The following ZFPM1 variants were observed in gnomAD, a reference collection of about 807,000 sequenced individuals.
The protein encoded by ZFPM1 is zinc finger protein, FOG family member 1, also known as zinc finger protein ZFPM1.
Under a neutral mutation model 46.3 loss-of-function variants are expected in ZFPM1, and 28 were observed. The ratio of observed to expected loss-of-function variants is 0.60; its 90% CI spans 0.45 to 0.83. ZFPM1 has a LOEUF of 0.83. Ranked by LOEUF, ZFPM1 falls within the 40% of genes least tolerant of loss-of-function variation. The pLI is 0.00. For missense variants in ZFPM1, 1,878 were observed against 1,432.4 expected, an observed-to-expected ratio of 1.31 and a Z score of -5.02; for synonymous variants, 957 against 675.9, an observed-to-expected ratio of 1.42 and a Z score of -6.45.
At chr16:88,531,906 G>A in intron 6 of ZFPM1, 96 bp from the exon 7 acceptor site, 1 of 1,212,632 alleles carries the variant, frequency 8.2e-7, no homozygotes, top group South Asian at 1.5e-5. Context: ...GGAGGACGGT[G>A]GGGTCCGTCA....
Position 88,535,145 on chromosome 16 carries a change from A to C in ZFPM1, c.*166A>C. Reference sequence around the variant, plus strand: ...CCGCCTGGACCCTTGGCACTTAATAAAGAAGTTCAGTTTGATGAGCATGGT... The same window carrying C: ...CCGCCTGGACCCTTGGCACTTAATACAGAAGTTCAGTTTGATGAGCATGGT... On this transcript the variant is annotated 3_prime_UTR_variant, in exon 10 of 10. Coordinates refer to ENST00000319555, the MANE Select transcript of ZFPM1 (RefSeq NM_153813.3). 3.6e-6 allele frequency: 3 copies of C among 827,298 alleles called. No homozygotes were observed. The highest frequency in any genetic ancestry group is 4.9e-6 in the Non-Finnish European group (3 of 612,962). 51.2% of individuals were successfully genotyped at this position (827,298 alleles called of 1,614,324 possible). A position where few individuals can be genotyped will look rare whatever the true frequency, so the allele number is the denominator to read the frequency against.
At chr16:88,499,698 G>A (rs1253800290) in intron 3 of ZFPM1, among the ~76,000 whole-genome samples, 2 of 152,214 alleles carry the variant, frequency 1.3e-5, no homozygotes, top group African/African-American at 2.4e-5. Context: ...GAAGTGGGCA[G>A]TGTCCCCATT....
Position 88,534,445 on chromosome 16 carries a change from C to A in ZFPM1, c.2487C>A (p.Leu829=). 6 of 1,497,590 alleles carry A rather than the reference C, an allele frequency of 4.0e-6. No homozygotes were observed. Among genetic ancestry groups the A allele is most frequent in the Non-Finnish European group, 5.3e-6 (6 of 1,130,636 alleles). 92.8% of individuals were successfully genotyped at this position (1,497,590 alleles called of 1,614,324 possible). Residue 829 remains leucine (L), a synonymous_variant, in exon 10 of 10, where the codon CTC becomes CTA. Coordinates refer to ENST00000319555, the MANE Select transcript of ZFPM1 (RefSeq NM_153813.3). ...CCTGCCGCGTGAGCTTCCACAGCCT[C>A]GAGGCCTACCTGGCGCACAAGAAGT... ...CTACRVSFHS[L]EAYLAHKKYS...
At position 88,494,011 on chromosome 16, in the gene ZFPM1, G is replaced by A. The variant is rs575548494; in HGVS notation, c.268+4858G>A. Reference sequence around the variant, plus strand: ...CTGACCCCTCCAGGCCTCAGTTTCCGCATCTGTAAAATGGACATAAGGAAA... The same window carrying A: ...CTGACCCCTCCAGGCCTCAGTTTCCACATCTGTAAAATGGACATAAGGAAA... On this transcript the variant is annotated intron_variant, in intron 3 of 9. Coordinates refer to ENST00000319555, the MANE Select transcript of ZFPM1 (RefSeq NM_153813.3). Among the ~76,000 whole-genome samples the A allele has an allele frequency of 1.1e-4, 16 of 152,294 alleles. No homozygotes were observed. In the East Asian group the frequency reaches 2.1e-3, roughly 20 times the overall value.
intron 3 of ZFPM1, among the ~76,000 whole-genome samples, chr16:88,493,459 G>A (rs1262436861): frequency 6.4e-4 from 92 of 142,636 alleles, no homozygotes; most frequent in African/African-American, 2.5e-3. Context: ...GTCCCGGGCT[G>A]CGGGGAGCTG....
At chr16:88,463,807 T>A (rs887767492) in intron 1 of ZFPM1, among the ~76,000 whole-genome samples, 4 of 152,224 alleles carry the variant, frequency 2.6e-5, no homozygotes, top group African/African-American at 9.6e-5. Flanking sequence ...TTCCTGTGTC[T>A]CTAGGCAGAT....
chr16:88,496,990 G>C (rs1471461402), intron 3 of ZFPM1, among the ~76,000 whole-genome samples: 1 of 152,184 alleles, frequency 6.6e-6, no homozygotes. Context: ...GGGCTGCCAG[G>C]CCTGCCCCTG....
Position 88,533,794 on chromosome 16 carries a change from G to C in ZFPM1, c.1836G>C (p.Ala612=), listed in dbSNP as rs757740978. 1.6e-6 allele frequency: 2 copies of C among 1,261,646 alleles called. No individual in the cohort carries two copies. Among genetic ancestry groups the C allele is most frequent in the Admixed American group, 4.0e-5 (1 of 25,196 alleles). 78.2% of individuals were successfully genotyped at this position (1,261,646 alleles called of 1,614,324 possible). Residue 612 remains alanine (A), a synonymous_variant, in exon 10 of 10, where the codon GCG becomes GCC. Transcript: ENST00000319555. The part of the protein sequence containing the change: ...GRRAPEDAPA[A]RRPKAPPGPA... ...GTGCGCCCGAGGACGCGCCTGCCGC[G>C]CGCAGGCCCAAGGCGCCCCCCGGCC...
chr16:88,491,867 G>A lies in ZFPM1; in HGVS notation c.268+2714G>A, dbSNP rs181788782. On this transcript the variant is annotated intron_variant, in intron 3 of 9. Transcript: ENST00000319555. The stretch of plus-strand genomic sequence containing the variant: ...CCACACAGGCTGAGCTATCACCCGC[G>A]GGGAAGCCAAGGAGGCTCTGTGGGC... Among the ~76,000 whole-genome samples, 15 of 152,304 alleles carry A rather than the reference G, an allele frequency of 9.8e-5. No individual in the cohort carries two copies. The South Asian group carries it at 1.0e-3, about 11-fold the overall frequency.
At chr16:88,488,295 C>T (rs1234672651) in intron 2 of ZFPM1, among the ~76,000 whole-genome samples, 5 of 147,126 alleles carry the variant, frequency 3.4e-5, no homozygotes, top group South Asian at 2.2e-4. Context: ...CGCATGGGGG[C>T]GGGGGTGGGG....
intron 1 of ZFPM1, among the ~76,000 whole-genome samples, chr16:88,457,012 C>A (rs1391137458): frequency 3.5e-4 from 53 of 152,336 alleles, no homozygotes; most frequent in Non-Finnish European, 2.1e-4. Context: ...TTCACACACT[C>A]TCAGAGTTTG....
chr16:88,503,489 T>C (rs1246345249), intron 3 of ZFPM1, among the ~76,000 whole-genome samples: 3 of 151,576 alleles, frequency 2.0e-5, no homozygotes, highest in South Asian at 2.1e-4. Context: ...GAGGGATCTG[T>C]GTCTGGGGAG....
intron 4 of ZFPM1, among the ~76,000 whole-genome samples, chr16:88,523,788 G>C (rs1428194926): frequency 2.0e-5 from 3 of 152,180 alleles, no homozygotes; most frequent in Non-Finnish European, 4.4e-5. Context: ...TCTCCTACCT[G>C]TTCCCTCCCG....
intron 2 of ZFPM1, among the ~76,000 whole-genome samples, chr16:88,487,635 G>A (rs1353740960): frequency 6.6e-6 from 1 of 152,112 alleles, no homozygotes; most frequent in East Asian, 1.9e-4. Flanking sequence ...TCTCAGTGGG[G>A]ACCCCCACCC....
chr16:88,464,550 C>G (rs192096484), intron 1 of ZFPM1, among the ~76,000 whole-genome samples: 5 of 152,352 alleles, frequency 3.3e-5, no homozygotes, highest in African/African-American at 1.2e-4. Flanking sequence ...TGCTCATAGG[C>G]CCACACCCAG....
At chr16:88,518,296 A>T (rs1289379115) in intron 4 of ZFPM1, among the ~76,000 whole-genome samples, 1 of 150,844 alleles carries the variant, frequency 6.6e-6, no homozygotes, top group Non-Finnish European at 1.5e-5. Context: ...TGGGAGGATA[A>T]CCAGGTGGAT....
Position 88,489,037 on chromosome 16 carries a change from A to G in ZFPM1, c.152A>G (p.Asn51Ser), listed in dbSNP as rs774560486. Residue 51 changes from asparagine (N) to serine (S), a missense_variant, in exon 3 of 10, where the codon AAC becomes AGC. By Grantham distance (46) the Asn-to-Ser change is conservative (BLOSUM62 1). Coordinates refer to ENST00000319555, the MANE Select transcript of ZFPM1 (RefSeq NM_153813.3). The part of the protein sequence containing the change: ...EAPSPPSADV[N>S]SPPPLPPPTS... ...GGTGTTTTCCTCTCTGCAGATGTTA[A>G]CTCACCCCCACCGCTGCCGCCCCCC... 3 of 1,611,882 alleles carry G rather than the reference A, an allele frequency of 1.9e-6. No individual in the cohort carries two copies. The highest frequency in any genetic ancestry group is 3.3e-4 in the Middle Eastern group (2 of 6,068).
At chr16:88,470,955 A>C (rs1908387056) in intron 1 of ZFPM1, among the ~76,000 whole-genome samples, 1 of 152,008 alleles carries the variant, frequency 6.6e-6, no homozygotes, top group Non-Finnish European at 1.5e-5. Context: ...GGGGCGGGAG[A>C]CGCAGCGTGA....
At chr16:88,468,113 C>G (rs1908231077) in intron 1 of ZFPM1, among the ~76,000 whole-genome samples, 1 of 143,508 alleles carries the variant, frequency 7.0e-6, no homozygotes, top group Non-Finnish European at 1.5e-5. Context: ...CCTGCGAGCC[C>G]ACCGCCCCTC....
Sources: gnomAD v4.1 joint callset for allele counts (sites outside exome capture counted in the v4.1 genomes callset) on GRCh38, gnomAD v4.1.1 for gene constraint, MANE v1.5 for transcripts, NCBI Gene and HGNC (gene_info 2026-07-23, HGNC 2026-07-21) for gene names.